The following MKX variants were observed in gnomAD, a reference collection of about 807,000 sequenced individuals.
MKX encodes the protein mohawk homeobox.
Under a neutral mutation model 36.0 loss-of-function variants are expected in MKX, and 13 were observed. The ratio of observed to expected loss-of-function variants is 0.36; its 90% confidence interval spans 0.24 to 0.57. MKX has a LOEUF of 0.57. Ranked by LOEUF, MKX falls within the 20% of genes least tolerant of loss-of-function variation. MKX has a pLI of 0.79. For missense variants in MKX, 458 were observed against 456.4 expected, an observed-to-expected ratio of 1.00 and a Z score of -0.03; for synonymous variants, 176 against 178.3, an observed-to-expected ratio of 0.99 and a Z score of 0.10.
At chr10:27,702,273 G>C (rs1836672419) in intron 5 of MKX, among the ~76,000 whole-genome samples, 1 of 152,146 alleles carries the variant, frequency 6.6e-6, no homozygotes, top group South Asian at 2.1e-4. Context: ...AAGAGAGAGA[G>C]CTGTCTAAAT....
intron 5 of MKX, among the ~76,000 whole-genome samples, chr10:27,698,007 G>T (rs746447040): frequency 2.6e-5 from 4 of 152,174 alleles, no homozygotes; most frequent in Non-Finnish European, 5.9e-5. Flanking sequence ...ACATGGAAAA[G>T]ATTGGAATGC....
At chr10:27,701,700 T>A (rs1836659475) in intron 5 of MKX, among the ~76,000 whole-genome samples, 1 of 145,344 alleles carries the variant, frequency 6.9e-6, no homozygotes, top group Non-Finnish European at 1.5e-5. Flanking sequence ...TTAATTTATA[T>A]TTATATTGTA....
chr10:27,721,523 G>A (rs1834380168), intron 5 of MKX, among the ~76,000 whole-genome samples: 1 of 152,172 alleles, frequency 6.6e-6, no homozygotes, highest in South Asian at 2.1e-4. Context: ...ACTAATGCAG[G>A]AACAGAAAAC....
In MKX at chr10:27,742,562, G is replaced by A. The variant is rs1834927921; in HGVS notation, c.188+666C>T. ...GGGAGCCGCCGGATCGGGCCAGGCA[G>A]AGCCTGCCCTCCACTCACCGGCAGT... On this transcript the variant is annotated intron_variant, in intron 2 of 6. Coordinates refer to ENST00000419761, the MANE Select transcript of MKX (RefSeq NM_173576.3). The surrounding 1 kb of genome is among the most constrained non-coding windows in gnomAD (Gnocchi z 4.2). Among the ~76,000 whole-genome samples the A allele has an allele frequency of 6.6e-6, 1 of 151,946 alleles. No homozygotes were observed. The highest frequency in any genetic ancestry group is 2.1e-4 in the South Asian group (1 of 4,824).
At chr10:27,685,428 A>G (rs574422649) in intron 5 of MKX, among the ~76,000 whole-genome samples, 102 of 146,386 alleles carry the variant, frequency 7.0e-4, no homozygotes, top group South Asian at 1.5e-3. Flanking sequence ...TCTTCTTTAT[A>G]CTTTCAGCAG....
intron 5 of MKX, among the ~76,000 whole-genome samples, chr10:27,680,129 C>A (rs1204640300): frequency 6.6e-6 from 1 of 152,162 alleles, no homozygotes; most frequent in African/African-American, 2.4e-5. Flanking sequence ...CTCTTGAGAG[C>A]AGTTCATTAG....
At position 27,719,994 on chromosome 10, in the gene MKX, A is replaced by G. The variant is rs113984318; in HGVS notation, c.838+14462T>C. Among the ~76,000 whole-genome samples the G allele has an allele frequency of 5.2e-4, 76 of 147,136 alleles. 1 individual carries two copies. The East Asian group carries it at 5.8e-3, about 11-fold the overall frequency. On this transcript the variant is annotated intron_variant, in intron 5 of 6. Transcript: ENST00000419761. Reference sequence around the variant, plus strand: ...ACAGAGTCTCAAAAAAAAAAAAAAAAAGAGAGAGAGAGAGAAAAAGTTGAT... The same window carrying G: ...ACAGAGTCTCAAAAAAAAAAAAAAAGAGAGAGAGAGAGAGAAAAAGTTGAT...
chr10:27,700,532 G>A (rs1005904723), intron 5 of MKX, among the ~76,000 whole-genome samples: 3 of 152,070 alleles, frequency 2.0e-5, no homozygotes, highest in African/African-American at 4.8e-5. Flanking sequence ...AACCATTTCT[G>A]CTGAATAGAG....
intron 5 of MKX, among the ~76,000 whole-genome samples, chr10:27,711,495 CTTCT>C (rs1387443448): frequency 0.058 from 1,891 of 32,860 alleles, 125 homozygotes; most frequent in East Asian, 0.34. Context: ...CTCTCTCTCT[CTTCT>C]TTCCTTCCTT....
chr10:27,691,790 T>G (rs1417177585), intron 5 of MKX, among the ~76,000 whole-genome samples: 2 of 152,218 alleles, frequency 1.3e-5, no homozygotes, highest in African/African-American at 4.8e-5. Flanking sequence ...AATTTATAAA[T>G]GAGAACATGT....
intron 3 of MKX, among the ~76,000 whole-genome samples, chr10:27,737,244 A>G (rs1227210758): frequency 6.6e-6 from 1 of 152,074 alleles, no homozygotes; most frequent in Non-Finnish European, 1.5e-5. Context: ...CAGCCATACT[A>G]CTAGCTGGGA....
intron 5 of MKX, among the ~76,000 whole-genome samples, chr10:27,679,402 G>A (rs978600001): frequency 3.3e-5 from 5 of 151,376 alleles, no homozygotes; most frequent in African/African-American, 9.7e-5. Flanking sequence ...GGAAGGGCCG[G>A]GGGTGGGCAG....
At chr10:27,733,602 C>T (rs955897902) in intron 5 of MKX, among the ~76,000 whole-genome samples, 5 of 152,116 alleles carry the variant, frequency 3.3e-5, no homozygotes, top group African/African-American at 1.2e-4. Flanking sequence ...TAGATGTTTT[C>T]TGAGGTTATT....
At chr10:27,694,113 T>G (rs1836503723) in intron 5 of MKX, among the ~76,000 whole-genome samples, 1 of 152,116 alleles carries the variant, frequency 6.6e-6, no homozygotes, top group Non-Finnish European at 1.5e-5. Context: ...TTAAACCTCT[T>G]TTTCTTGATA....
At chr10:27,685,791 C>G (rs1040992805) in intron 5 of MKX, among the ~76,000 whole-genome samples, 6 of 152,124 alleles carry the variant, frequency 3.9e-5, no homozygotes, top group African/African-American at 1.2e-4. Flanking sequence ...TCCCTGTAAC[C>G]GCTCCTCTAT....
In MKX at chr10:27,743,382, C is replaced by G; in HGVS notation, c.34G>C (p.Ala12Pro). The G allele has an allele frequency of 6.4e-7, 1 of 1,570,924 alleles. No homozygotes were observed. The highest frequency in any genetic ancestry group is 8.6e-7 in the Non-Finnish European group (1 of 1,161,156). ...NTIVFNKLSG[A>P]VLFEDGGASE... ...GCGCCTCCGTCCTCAAACAGCACCG[C>G]ACCGCTGAGCTTGTTGAAGACGATG... The change falls in exon 2 of 7, where the codon GCG becomes CCG. Residue 12 changes from alanine (A) to proline (P), a missense_variant. Transcript: ENST00000419761.
At chr10:27,693,940 T>C (rs537976951) in intron 5 of MKX, among the ~76,000 whole-genome samples, 91 of 152,300 alleles carry the variant, frequency 6.0e-4, no homozygotes, top group African/African-American at 2.1e-3. Context: ...TTTTCCATAC[T>C]GTTCTCATGG....
intron 3 of MKX, among the ~76,000 whole-genome samples, chr10:27,736,308 A>T (rs1834775713): frequency 6.6e-6 from 1 of 152,214 alleles, no homozygotes; most frequent in African/African-American, 2.4e-5. Context: ...TTAAGCCAAA[A>T]GTCAAATGTT....
chr10:27,720,441 T>TA (rs1834352158), intron 5 of MKX, among the ~76,000 whole-genome samples: 1 of 152,040 alleles, frequency 6.6e-6, no homozygotes, highest in Non-Finnish European at 1.5e-5. Context: ...TGATATGGAA[T>TA]AAAAACTTTC....
Sources: gnomAD v4.1 joint callset for allele counts (sites outside exome capture counted in the v4.1 genomes callset) on GRCh38, gnomAD v4.1.1 for gene constraint, Gnocchi (gnomAD v3.1) non-coding constraint, MANE v1.5 for transcripts, NCBI Gene and HGNC (gene_info 2026-07-23, HGNC 2026-07-21) for gene names.